Variants in ASTN2 observed in about 807,000 individuals in gnomAD.
ASTN2 encodes the protein astrotactin 2.
Under a neutral mutation model 139.8 loss-of-function variants are expected in ASTN2, and 54 were observed. That is an observed-to-expected ratio of 0.39 (90% CI 0.31 to 0.48). ASTN2 has a LOEUF of 0.48. Among genes scored for constraint, ASTN2 ranks in the 20% least tolerant of loss-of-function variants. The pLI, the probability that ASTN2 is intolerant of heterozygous loss-of-function variation, is 0.95. For synonymous variants in ASTN2, 756 were observed against 719.5 expected (o/e 1.05, Z -0.81); for missense variants, 1,565 against 1,725.1 (o/e 0.91, Z 1.64).
At chr9:117,019,097 C>A (rs942340545) in intron 6 of ASTN2, among the ~76,000 whole-genome samples, 6 of 152,044 alleles carry the variant, frequency 3.9e-5, no homozygotes, top group Admixed American at 2.0e-4. Context: ...CTTCTGTCAA[C>A]ATACATCTCT....
At chr9:116,842,007 G>C (rs1832276441) in intron 11 of ASTN2, among the ~76,000 whole-genome samples, 1 of 152,166 alleles carries the variant, frequency 6.6e-6, no homozygotes. Flanking sequence ...ACCACTGAAG[G>C]CCCCCTGACT....
chr9:117,138,768 T>C (rs1263048285), intron 4 of ASTN2, among the ~76,000 whole-genome samples: 2 of 152,172 alleles, frequency 1.3e-5, no homozygotes, highest in South Asian at 4.1e-4. Context: ...TGAGACCCCA[T>C]CTAACTTGTA....
intron 3 of ASTN2, among the ~76,000 whole-genome samples, chr9:117,184,226 T>C (rs555922621): frequency 6.2e-4 from 95 of 152,272 alleles, no homozygotes; most frequent in African/African-American, 2.2e-3. Flanking sequence ...CTCTGTAGCA[T>C]ACTGCCTCCT....
At chr9:116,594,499 A>G (rs1390434931) in intron 19 of ASTN2, among the ~76,000 whole-genome samples, 2 of 152,226 alleles carry the variant, frequency 1.3e-5, no homozygotes, top group Non-Finnish European at 2.9e-5. Flanking sequence ...TATAAACTAT[A>G]TAATTATCAA....
chr9:117,414,450 G>A lies in ASTN2; in HGVS notation c.442+47C>T. ...CCCCACCCGTCCGGCATGACGCAGG[G>A]GCTCGGGGTTCCTTGGGATCTAGCG... On this transcript the variant is annotated intron_variant, in intron 1 of 22. Coordinates refer to ENST00000313400, the MANE Select transcript of ASTN2 (RefSeq NM_001365068.1). This position sits in a 1 kb window ranked among gnomAD's most constrained non-coding sequence, Gnocchi z 4.2. 1 of 1,600,226 alleles carries A rather than the reference G, an allele frequency of 6.2e-7. No homozygotes were observed. Among genetic ancestry groups the A allele is most frequent in the Admixed American group, 1.7e-5 (1 of 59,338 alleles).
At chr9:117,076,964 CCTTAT>C (rs143160579) in intron 5 of ASTN2, among the ~76,000 whole-genome samples, 19,816 of 152,040 alleles carry the variant, frequency 0.13, 1,474 homozygotes, top group East Asian at 0.26. Flanking sequence ...GCAGCTTGGC[CCTTAT>C]CTTGACAGTG....
chr9:116,484,445 C>T (rs1299923777), intron 20 of ASTN2, among the ~76,000 whole-genome samples: 2 of 152,200 alleles, frequency 1.3e-5, no homozygotes, highest in Non-Finnish European at 2.9e-5. Context: ...GCTATTTCTA[C>T]TGCCGCACAC....
intron 10 of ASTN2, among the ~76,000 whole-genome samples, chr9:116,944,462 C>A (rs1036303666): frequency 1.3e-5 from 2 of 151,970 alleles, no homozygotes; most frequent in East Asian, 1.9e-4. Context: ...AGGTGGATTA[C>A]CTGAGGTCAA....
chr9:117,120,018 G>GTGTGTGTGTGTATATATATA (rs1306397698), intron 4 of ASTN2, among the ~76,000 whole-genome samples: 13 of 45,996 alleles, frequency 2.8e-4, no homozygotes, highest in African/African-American at 9.8e-4. Flanking sequence ...GTGTGTGTGT[G>GTGTGTGTGTGTATATATATA]TATATATATA....
At chr9:117,083,960 C>A (rs1245721085) in intron 5 of ASTN2, among the ~76,000 whole-genome samples, 1 of 149,752 alleles carries the variant, frequency 6.7e-6, no homozygotes, top group Non-Finnish European at 1.5e-5. Flanking sequence ...TTTCTGCATT[C>A]AAGGAACCCT....
intron 20 of ASTN2, among the ~76,000 whole-genome samples, chr9:116,463,678 A>G (rs913095149): frequency 6.6e-6 from 1 of 152,182 alleles, no homozygotes; most frequent in Admixed American, 6.5e-5. Context: ...AAAAGAAGAC[A>G]GCTCCCTCTC....
intron 7 of ASTN2, among the ~76,000 whole-genome samples, chr9:116,984,178 A>G (rs1053643817): frequency 1.3e-5 from 2 of 152,122 alleles, no homozygotes; most frequent in African/African-American, 2.4e-5. Flanking sequence ...ATCCAGACCC[A>G]TTTATTCCCA....
At position 116,609,536 on chromosome 9, in the gene ASTN2, C is replaced by T. The variant is rs140865038; in HGVS notation, c.3355+8788G>A. On this transcript the variant is annotated intron_variant, in intron 19 of 22. Coordinates refer to ENST00000313400, the MANE Select transcript of ASTN2 (RefSeq NM_001365068.1). The stretch of plus-strand genomic sequence containing the variant: ...AAAATTTCATGCACAGCAATAATAT[C>T]TTACAAAAACAAAATCAGAAAGCAT... Among the ~76,000 whole-genome samples, 954 of 151,256 alleles carry T rather than the reference C, an allele frequency of 6.3e-3. 14 individuals carry two copies. The highest frequency in any genetic ancestry group is 0.022 in the African/African-American group (893 of 41,332).
intron 20 of ASTN2, among the ~76,000 whole-genome samples, chr9:116,469,499 G>T (rs1029929706): frequency 1.3e-5 from 2 of 152,164 alleles, no homozygotes; most frequent in African/African-American, 4.8e-5. Context: ...AGTTCAGCGG[G>T]TCAGAGCCTG....
At chr9:116,892,490 G>A (rs897011205) in intron 10 of ASTN2, among the ~76,000 whole-genome samples, 2 of 152,138 alleles carry the variant, frequency 1.3e-5, no homozygotes, top group East Asian at 1.9e-4. Flanking sequence ...GTGGCTGGGA[G>A]CTGGTTGCTG....
intron 4 of ASTN2, among the ~76,000 whole-genome samples, chr9:117,119,990 ATG>A (rs752111718): frequency 2.0e-3 from 147 of 73,208 alleles, no homozygotes; most frequent in African/African-American, 7.4e-3. Context: ...ATATATTTGT[ATG>A]TGTGTGTGTG....
chr9:116,974,080 T>C (rs1278503714), intron 10 of ASTN2, among the ~76,000 whole-genome samples: 2 of 152,188 alleles, frequency 1.3e-5, no homozygotes, highest in African/African-American at 2.4e-5. Context: ...AGGGGGTCCA[T>C]GATTTAATTC....
chr9:116,489,115 G>C (rs1849429850), intron 19 of ASTN2, among the ~76,000 whole-genome samples: 1 of 152,102 alleles, frequency 6.6e-6, no homozygotes, highest in African/African-American at 2.4e-5. Context: ...AAGGGTGCCA[G>C]CTCCATTACA....
chr9:117,091,865 T>C (rs192599366), intron 5 of ASTN2, among the ~76,000 whole-genome samples: 2 of 152,288 alleles, frequency 1.3e-5, no homozygotes, highest in East Asian at 3.9e-4. Context: ...ATGATCACTC[T>C]GGCTACATGA....
Sources: allele counts gnomAD v4.1 joint callset (sites outside exome capture counted in the v4.1 genomes callset), GRCh38; gene constraint gnomAD v4.1.1; non-coding constraint Gnocchi (gnomAD v3.1); transcripts MANE v1.5; gene names NCBI Gene and HGNC (gene_info 2026-07-23, HGNC 2026-07-21).